AXDND1: variants seen among roughly 807,000 people sequenced by gnomAD.
The protein encoded by AXDND1 is axonemal dynein light chain domain containing 1.
A neutral mutation model predicts 137.5 loss-of-function variants in AXDND1; 110 were observed. The observed-to-expected ratio is 0.80, with a 90% confidence interval of 0.69 to 0.94. The LOEUF (loss-of-function observed/expected upper bound fraction) is 0.94, where lower values mean the gene tolerates loss of function less well. Among genes scored for constraint, AXDND1 ranks in the 40% least tolerant of loss-of-function variants. The probability of loss-of-function intolerance (pLI) is 0.00; values close to 1 mark genes in which losing one functional copy is unlikely to be tolerated. For missense variants in AXDND1, 1,191 were observed against 1,169.8 expected, an observed-to-expected ratio of 1.02 and a Z score of -0.26; for synonymous variants, 414 against 399.7, an observed-to-expected ratio of 1.04 and a Z score of -0.43.
At chr1:179,511,652 T>G (rs922004943) in intron 21 of AXDND1, among the ~76,000 whole-genome samples, 1 of 152,184 alleles carries the variant, frequency 6.6e-6, no homozygotes, top group African/African-American at 2.4e-5. Context: ...TTTTCCATAG[T>G]GGCTCTACTA....
rs1225801406 is a variant in AXDND1 at position 179,487,006 on chromosome 1, T to C, written c.2091+3785T>C. 4.7e-5 allele frequency among the ~76,000 whole-genome samples: 7 copies of C among 148,514 alleles called. 1 individual carries two copies. ...ACATAAATGGGCTAAATGCCCCAAT[T>C]AAAAGGCACAGAGTGGCAAGTTGGA... is the stretch of plus-strand genomic sequence containing the variant. On this transcript the variant is annotated intron_variant, in intron 18 of 25. Transcript: ENST00000367618.
intron 16 of AXDND1, among the ~76,000 whole-genome samples, chr1:179,467,390 C>A (rs547754665): frequency 6.6e-6 from 1 of 151,686 alleles, no homozygotes; most frequent in Non-Finnish European, 1.5e-5. Flanking sequence ...TTCAAGCAAC[C>A]GTGGATCAAA....
intron 16 of AXDND1, among the ~76,000 whole-genome samples, chr1:179,460,366 A>G (rs1662150390): frequency 6.6e-6 from 1 of 152,210 alleles, no homozygotes; most frequent in Non-Finnish European, 1.5e-5. Context: ...TACAAAGGAC[A>G]TGAACTCATC....
chr1:179,492,941 A>T lies in AXDND1; in HGVS notation c.2378A>T (p.Asp793Val), dbSNP rs750116397. 1 of 1,601,052 alleles carries T rather than the reference A, an allele frequency of 6.2e-7. No homozygotes were observed. Among genetic ancestry groups the T allele is most frequent in the South Asian group, 1.1e-5 (1 of 89,180 alleles). ...GCTACTGAAGACCTTTATGAGGTGGATAAGTTGAAGGTAATAACTCTGTCT... is the reference window on the plus strand; with the variant it reads ...GCTACTGAAGACCTTTATGAGGTGGTTAAGTTGAAGGTAATAACTCTGTCT... ...KNATEDLYEV[D>V]KLKKECYEWI... Residue 793 changes from aspartate (D) to valine (V), a missense_variant, in exon 20 of 26, where the codon GAT becomes GTT. Transcript: ENST00000367618.
intron 23 of AXDND1, among the ~76,000 whole-genome samples, chr1:179,528,972 C>T (rs1482094475): frequency 2.0e-5 from 3 of 152,174 alleles, no homozygotes; most frequent in Middle Eastern, 3.2e-3. Flanking sequence ...AATTGTTAAA[C>T]ATTCATTTAG....
chr1:179,405,060 C>T lies in AXDND1; in HGVS notation c.1110-6086C>T, dbSNP rs142845983. ...CATGCATTAGGTATTTGTCCTAATG[C>T]TCTCCCTCCCCTTGCCCCCCAACCC... On this transcript the variant is annotated intron_variant, in intron 11 of 25. Coordinates refer to ENST00000367618, the MANE Select transcript of AXDND1 (RefSeq NM_144696.6). 2.9e-3 allele frequency among the ~76,000 whole-genome samples: 437 copies of T among 152,168 alleles called. 20 individuals carry two copies. In the East Asian group the frequency reaches 0.06, roughly 21 times the overall value.
At chr1:179,477,624 G>A (rs1337521711) in intron 17 of AXDND1, among the ~76,000 whole-genome samples, 2 of 152,134 alleles carry the variant, frequency 1.3e-5, no homozygotes, top group Non-Finnish European at 2.9e-5. Context: ...GGAATTTTGG[G>A]AGCTACAATT....
intron 4 of AXDND1, among the ~76,000 whole-genome samples, chr1:179,378,054 C>A (rs117784201): frequency 6.6e-6 from 1 of 152,038 alleles, no homozygotes; most frequent in African/African-American, 2.4e-5. Flanking sequence ...CTTGTAATCC[C>A]AGCTACTTGG....
chr1:179,384,304 G>T (rs4424451), intron 8 of AXDND1, among the ~76,000 whole-genome samples: 30,687 of 151,824 alleles, frequency 0.2, 3,223 homozygotes, highest in Non-Finnish European at 0.24. Flanking sequence ...AGAGTGAGTT[G>T]GAGACATCAT....
chr1:179,533,773 T>C, intron 23 of AXDND1, 22 bp from the exon 24 acceptor site: 6 of 1,556,068 alleles, frequency 3.9e-6, no homozygotes, highest in Non-Finnish European at 5.3e-6. Flanking sequence ...AGTTCATTCA[T>C]ATCTCATATT....
At chr1:179,411,407 T>A in intron 12 of AXDND1, 141 bp downstream of exon 12, 1 of 1,134,316 alleles carries the variant, frequency 8.8e-7, no homozygotes, top group Non-Finnish European at 1.2e-6. Context: ...TTCAGTGATG[T>A]GATCTCGGCT....
Position 179,496,643 on chromosome 1 carries a change from C to T in AXDND1, c.2388+3692C>T, listed in dbSNP as rs114173560. ...TCCAATTTTCTTGATCTCAAAGAACCAGATTTTGCTTTCATTGATTTTTCT... is the reference window on the plus strand; with the variant it reads ...TCCAATTTTCTTGATCTCAAAGAACTAGATTTTGCTTTCATTGATTTTTCT... On this transcript the variant is annotated intron_variant, in intron 20 of 25. Coordinates refer to ENST00000367618, the MANE Select transcript of AXDND1 (RefSeq NM_144696.6). Among the ~76,000 whole-genome samples the T allele has an allele frequency of 5.1e-3, 769 of 152,048 alleles. 8 individuals carry two copies. Among genetic ancestry groups the T allele is most frequent in the African/African-American group, 0.018 (741 of 41,536 alleles).
chr1:179,491,504 G>C, intron 18 of AXDND1, 34 bp from the exon 19 acceptor site: 1 of 1,384,090 alleles, frequency 7.2e-7, no homozygotes, highest in East Asian at 2.3e-5. Context: ...TTTATTTAAA[G>C]TGGGTCATTT....
At chr1:179,535,794 G>A (rs935064556) in intron 25 of AXDND1, among the ~76,000 whole-genome samples, 9 of 152,192 alleles carry the variant, frequency 5.9e-5, no homozygotes, top group African/African-American at 1.9e-4. Flanking sequence ...TTGAGGAATC[G>A]CCACACTGTC....
Position 179,533,857 on chromosome 1 carries a change from A to G in AXDND1, c.2778A>G (p.Glu926=). The stretch of plus-strand genomic sequence containing the variant: ...ATCTTGAAGCAATGGCTGTAATTGA[A>G]CATATGCAGGAGAAGTTACTGTAAG... ...QKYLEAMAVI[E]HMQEKLLEVE... Residue 926 remains glutamate, a synonymous_variant, in exon 24 of 26, where the codon GAA becomes GAG. Transcript: ENST00000367618. The G allele has an allele frequency of 6.2e-7, 1 of 1,613,164 alleles. No homozygotes were observed. The highest frequency in any genetic ancestry group is 8.5e-7 in the Non-Finnish European group (1 of 1,179,316).
chr1:179,554,733 G>A lies in AXDND1; in HGVS notation c.*214G>A, dbSNP rs910055219. The A allele has an allele frequency of 7.4e-6, 5 of 678,076 alleles. No individual in the cohort carries two copies. In the Admixed American group the frequency reaches 9.5e-5, roughly 13 times the overall value. 42.0% of individuals were successfully genotyped at this position (678,076 alleles called of 1,614,324 possible). A position where few individuals can be genotyped will look rare whatever the true frequency, so the allele number is the denominator to read the frequency against. On this transcript the variant is annotated 3_prime_UTR_variant, in exon 26 of 26. Transcript: ENST00000367618. ...CCACCCAATAAATATCTGTGCAATT[G>A]AAGATGGTGTGGTATGCTGAATAAT...
intron 13 of AXDND1, among the ~76,000 whole-genome samples, chr1:179,430,195 C>A (rs1657162157): frequency 6.6e-6 from 1 of 151,854 alleles, no homozygotes; most frequent in Non-Finnish European, 1.5e-5. Context: ...CACCACACTG[C>A]CCCTGTGAAA....
chr1:179,536,655 A>G (rs1671584706), intron 25 of AXDND1, among the ~76,000 whole-genome samples: 1 of 152,120 alleles, frequency 6.6e-6, no homozygotes, highest in South Asian at 2.1e-4. Context: ...TGATGCCTCC[A>G]GCTTTGTTCT....
chr1:179,459,328 T>C lies in AXDND1; in HGVS notation c.1799-9115T>C, dbSNP rs752460564. ...AGTTGTTTAAAAGACATAGGTTCTA[T>C]AGGAAGAAAATTATATATGTAATAT... On this transcript the variant is annotated intron_variant, in intron 16 of 25. Transcript: ENST00000367618. Among the ~76,000 whole-genome samples, 67 of 152,214 alleles carry C rather than the reference T, an allele frequency of 4.4e-4. 1 individual carries two copies. Among genetic ancestry groups the C allele is most frequent in the Middle Eastern group, 3.4e-3 (1 of 294 alleles).
Sources: gnomAD v4.1 joint callset for allele counts (sites outside exome capture counted in the v4.1 genomes callset) on GRCh38, gnomAD v4.1.1 for gene constraint, MANE v1.5 for transcripts, NCBI Gene and HGNC (gene_info 2026-07-23, HGNC 2026-07-21) for gene names.